The following BMP6 variants were observed in gnomAD, a reference collection of about 807,000 sequenced individuals.
BMP6 encodes bone morphogenetic protein 6, also known as VG-1-R.
In BMP6, 17 loss-of-function variants were observed where a neutral mutation model predicts 54.1. The observed-to-expected ratio is 0.31, with a 90% CI of 0.22 to 0.47. The LOEUF is 0.47. BMP6 is among the 20% of genes least tolerant of loss of function. The pLI is 1.00. For missense variants in BMP6, 720 were observed against 690.4 expected (o/e 1.04, Z -0.48); for synonymous variants, 328 against 291.2 (o/e 1.13, Z -1.28).
intron 1 of BMP6, among the ~76,000 whole-genome samples, chr6:7,766,548 ATCAAGGC>A (rs1757691710): frequency 6.6e-6 from 1 of 152,124 alleles, no homozygotes; most frequent in Non-Finnish European, 1.5e-5. Flanking sequence ...AACCTGGAAG[ATCAAGGC>A]TGCAGTGAGC....
intron 2 of BMP6, among the ~76,000 whole-genome samples, chr6:7,851,601 C>T (rs1252386849): frequency 2.6e-5 from 4 of 151,818 alleles, no homozygotes; most frequent in Non-Finnish European, 4.4e-5. Context: ...CTGGCTGGGA[C>T]GTCCAGTACA....
chr6:7,762,585 G>A (rs960696637), intron 1 of BMP6, among the ~76,000 whole-genome samples: 15 of 151,898 alleles, frequency 9.9e-5, no homozygotes, highest in Admixed American at 8.5e-4. Flanking sequence ...TGAGTAAAAC[G>A]GCACATAAAT....
intron 1 of BMP6, among the ~76,000 whole-genome samples, chr6:7,788,180 CAT>C (rs754138401): frequency 3.8e-4 from 58 of 152,292 alleles, no homozygotes; most frequent in Admixed American, 1.6e-3. Context: ...TCCTTGGAAA[CAT>C]GTTGTCAGGG....
chr6:7,828,178 A>G (rs1445553061), intron 1 of BMP6, among the ~76,000 whole-genome samples: 2 of 152,214 alleles, frequency 1.3e-5, no homozygotes, highest in African/African-American at 4.8e-5. Context: ...GACATTTACA[A>G]TCAAATAGGG....
chr6:7,783,874 T>G (rs1757984514), intron 1 of BMP6, among the ~76,000 whole-genome samples: 2 of 152,214 alleles, frequency 1.3e-5, no homozygotes, highest in Non-Finnish European at 2.9e-5. Context: ...ATTAAAACAT[T>G]TTGCAGGCCT....
rs377639547 is a variant in BMP6, at chr6:7,727,265, C to A, written c.310C>A (p.Pro104Thr). Residue 104 changes from proline to threonine, a missense_variant, in exon 1 of 7, where the codon CCC becomes ACC. Physicochemically the swap from Pro to Thr is conservative, Grantham distance 38. Transcript: ENST00000283147. ...CCTGCACGGCCTCCAACAGCCGCAG[C>A]CCCCGGCGCTCCGGCAGCAGGAGGA... is the stretch of plus-strand genomic sequence containing the variant. ...RPLHGLQQPQ[P>T]PALRQQEEQQ... 1 of 1,605,024 alleles carries A rather than the reference C, an allele frequency of 6.2e-7. No homozygotes were observed. The highest frequency in any genetic ancestry group is 1.7e-5 in the Admixed American group (1 of 59,242).
At chr6:7,847,370 C>T (rs984474638) in intron 2 of BMP6, among the ~76,000 whole-genome samples, 5 of 152,128 alleles carry the variant, frequency 3.3e-5, no homozygotes, top group East Asian at 1.9e-4. Context: ...TATCTGTGGG[C>T]CAGGAGCCCA....
intron 1 of BMP6, among the ~76,000 whole-genome samples, chr6:7,831,489 G>A (rs758579093): frequency 6.6e-6 from 1 of 151,942 alleles, no homozygotes; most frequent in Non-Finnish European, 1.5e-5. Flanking sequence ...GAAAGATAAA[G>A]GAAGGAATGT....
Position 7,862,483 on chromosome 6 carries a change from G to A in BMP6, c.1189G>A (p.Val397Ile). The change falls in exon 4 of 7, where the codon GTC (valine) becomes ATC (isoleucine). Residue 397 changes from valine (V) to isoleucine (I), a missense_variant. By Grantham distance (29) the Val-to-Ile change is conservative. Coordinates refer to ENST00000283147, the MANE Select transcript of BMP6 (RefSeq NM_001718.6). ...TACCCAGTCCCAGGACGTGGCGCGGGTCTCCAGTGCTTCAGGTGGGTTTGT... is the reference window on the plus strand; with the variant it reads ...TACCCAGTCCCAGGACGTGGCGCGGATCTCCAGTGCTTCAGGTGGGTTTGT... ...RSTQSQDVAR[V>I]SSASDYNSSE... is the part of the protein sequence containing the mutation. 1.9e-6 allele frequency: 3 copies of A among 1,614,050 alleles called. No homozygotes were observed. The highest frequency in any genetic ancestry group is 2.5e-6 in the Non-Finnish European group (3 of 1,179,996).
rs138141270 is a variant in BMP6, at chr6:7,787,659, C to T, written c.665-57481C>T. 5.3e-5 allele frequency among the ~76,000 whole-genome samples: 8 copies of T among 152,308 alleles called. No individual in the cohort carries two copies. In the East Asian group the frequency reaches 9.7e-4, roughly 18 times the overall value. On this transcript the variant is annotated intron_variant, in intron 1 of 6. Coordinates refer to ENST00000283147, the MANE Select transcript of BMP6 (RefSeq NM_001718.6). ...TTAGCCGTGGCTGCTCTGTCTGAAA[C>T]GGTCATGGTCTCATTCAGCTCTAGC...
chr6:7,830,679 C>A (rs916034287), intron 1 of BMP6, among the ~76,000 whole-genome samples: 4 of 152,194 alleles, frequency 2.6e-5, no homozygotes, highest in African/African-American at 7.2e-5. Flanking sequence ...GGAGGTCTCA[C>A]AATCATGATG....
intron 2 of BMP6, among the ~76,000 whole-genome samples, chr6:7,853,770 G>A (rs1759181103): frequency 6.6e-6 from 1 of 152,166 alleles, no homozygotes; most frequent in Non-Finnish European, 1.5e-5. Flanking sequence ...GGCAAGCAGT[G>A]AGCTTTTCAG....
intron 2 of BMP6, among the ~76,000 whole-genome samples, chr6:7,856,626 T>C (rs1937014642): frequency 7.3e-6 from 1 of 137,034 alleles, no homozygotes; most frequent in Non-Finnish European, 1.5e-5. Flanking sequence ...AGACGGAGTC[T>C]CGCTCTGTCG....
chr6:7,784,333 G>T (rs1757991948), intron 1 of BMP6, among the ~76,000 whole-genome samples: 1 of 152,116 alleles, frequency 6.6e-6, no homozygotes, highest in Non-Finnish European at 1.5e-5. Context: ...GAATATGAAA[G>T]TATGAAAGTA....
intron 1 of BMP6, among the ~76,000 whole-genome samples, chr6:7,817,002 C>G (rs1758538422): frequency 6.6e-6 from 1 of 151,988 alleles, no homozygotes; most frequent in South Asian, 2.1e-4. Flanking sequence ...AGAAAGAGAT[C>G]AATAAACTCA....
chr6:7,760,717 C>T (rs1307335574), intron 1 of BMP6, among the ~76,000 whole-genome samples: 3 of 152,198 alleles, frequency 2.0e-5, no homozygotes. Context: ...ATCTGCCTGC[C>T]TTAGCCTCCC....
At position 7,726,829 on chromosome 6, in the gene BMP6, A is replaced by G. The variant is rs1020819654; in HGVS notation, c.-127A>G. The G allele has an allele frequency of 4.3e-6, 2 of 460,942 alleles. No individual in the cohort carries two copies. Among genetic ancestry groups the G allele is most frequent in the Non-Finnish European group, 5.9e-6 (2 of 340,298 alleles). The allele number at this position is 460,942 out of a possible 1,614,324, so 28.6% of individuals were successfully genotyped here. A position where few individuals can be genotyped will look rare whatever the true frequency, so the allele number is the denominator to read the frequency against. ...GAGAGATAAGGACTGAGGGCCAGGA[A>G]GGGGAAGCGAGCCCGCCGAGAGGTG... On this transcript the variant is annotated 5_prime_UTR_variant, in exon 1 of 7. Transcript: ENST00000283147.
intron 2 of BMP6, among the ~76,000 whole-genome samples, chr6:7,846,035 C>T (rs1027983993): frequency 6.6e-6 from 1 of 152,130 alleles, no homozygotes; most frequent in Non-Finnish European, 1.5e-5. Context: ...AGCCAATGAC[C>T]TCGAATTTTG....
intron 1 of BMP6, among the ~76,000 whole-genome samples, chr6:7,822,152 C>T (rs975806250): frequency 3.3e-5 from 5 of 152,100 alleles, no homozygotes; most frequent in Non-Finnish European, 7.4e-5. Context: ...TCCCGAGTAG[C>T]TGGGGTTACA....
Sources: allele counts gnomAD v4.1 joint callset (sites outside exome capture counted in the v4.1 genomes callset), GRCh38; gene constraint gnomAD v4.1.1; transcripts MANE v1.5; gene names NCBI Gene and HGNC (gene_info 2026-07-23, HGNC 2026-07-21).